The following RGS5 variants were observed in gnomAD, a reference collection of about 807,000 sequenced individuals.
RGS5 encodes the protein regulator of G-protein signalling 5.
In RGS5, 20 loss-of-function variants were observed where a neutral mutation model predicts 18.9. The ratio of observed to expected loss-of-function variants is 1.06; its 90% CI spans 0.74 to 1.54. The LOEUF is 1.54. RGS5 is among the 40% of genes most tolerant of loss of function. The pLI is 0.00. For synonymous variants in RGS5, 57 were observed against 76.2 expected, an observed-to-expected ratio of 0.75 and a Z score of 1.31; for missense variants, 201 against 211.8, an observed-to-expected ratio of 0.95 and a Z score of 0.32.
chr1:163,182,011 G>A (rs2102416890), intron 1 of RGS5, among the ~76,000 whole-genome samples: 1 of 152,070 alleles, frequency 6.6e-6, no homozygotes, highest in Admixed American at 6.5e-5. Flanking sequence ...GCATTAATAG[G>A]TTTAGCATGG....
intron 2 of RGS5, among the ~76,000 whole-genome samples, chr1:163,272,176 T>A (rs1286796262): frequency 6.6e-6 from 1 of 152,086 alleles, no homozygotes; most frequent in Non-Finnish European, 1.5e-5. Context: ...TTTTCCCTAA[T>A]GACTAATAAT....
At position 163,233,978 on chromosome 1, in the gene RGS5, G is replaced by T. The variant is rs191066181; in HGVS notation, c.-280-65610C>A. On this transcript the variant is annotated intron_variant, in intron 2 of 5. Coordinates refer to the RGS5 transcript ENST00000618415. ...ATCTTCAGTTGCTTCAGGCCATCTG[G>T]ATGTATACGTGCAGGTCACAGGGGA... Among the ~76,000 whole-genome samples, 737 of 152,280 alleles carry T rather than the reference G, an allele frequency of 4.8e-3. 4 individuals carry two copies. Among genetic ancestry groups the T allele is most frequent in the African/African-American group, 0.017 (694 of 41,538 alleles).
rs553471120 is a variant in RGS5 at position 163,315,230 on chromosome 1, G to A, written c.-378+6392C>T. ...TAACTGAAAAATAGCACTGGATATTGTAATACTAATATTGAAAATATACAG... is the reference window on the plus strand; with the variant it reads ...TAACTGAAAAATAGCACTGGATATTATAATACTAATATTGAAAATATACAG... On this transcript the variant is annotated intron_variant, in intron 1 of 5. Transcript: ENST00000618415. 1.1e-4 allele frequency among the ~76,000 whole-genome samples: 16 copies of A among 152,200 alleles called. No homozygotes were observed. In the South Asian group the frequency reaches 3.1e-3, roughly 30 times the overall value.
intron 2 of RGS5, among the ~76,000 whole-genome samples, chr1:163,277,540 T>C (rs1222855382): frequency 6.6e-6 from 1 of 152,204 alleles, no homozygotes; most frequent in African/African-American, 2.4e-5. Context: ...TGGGTGTTGC[T>C]AGGTGAAGAA....
At chr1:163,147,923 T>C (rs1027008951) in intron 4 of RGS5, among the ~76,000 whole-genome samples, 4 of 132,642 alleles carry the variant, frequency 3.0e-5, no homozygotes, top group African/African-American at 5.9e-5. Flanking sequence ...TTTTTCTTTT[T>C]TTTTTTTTTT....
intron 2 of RGS5, among the ~76,000 whole-genome samples, chr1:163,274,246 G>C (rs992988340): frequency 6.6e-6 from 1 of 151,758 alleles, no homozygotes; most frequent in Non-Finnish European, 1.5e-5. Context: ...TTACCAGAGA[G>C]ACAAGAAATT....
chr1:163,248,132 C>G (rs1647995626), intron 2 of RGS5: 1 of 152,280 alleles, frequency 6.6e-6, no homozygotes, highest in African/African-American at 2.4e-5. Flanking sequence ...TTAGTAAGAG[C>G]AAAGATAAAA....
chr1:163,169,272 T>C (rs1658196832), intron 1 of RGS5, among the ~76,000 whole-genome samples: 2 of 152,142 alleles, frequency 1.3e-5, no homozygotes, highest in African/African-American at 2.4e-5. Flanking sequence ...TTGTTGGACA[T>C]TTGGGTTGGT....
At chr1:163,298,193 ATCACT>A (rs1380323485) in intron 2 of RGS5, among the ~76,000 whole-genome samples, 3 of 152,200 alleles carry the variant, frequency 2.0e-5, no homozygotes, top group Admixed American at 6.5e-5. Flanking sequence ...ATATGTGCAT[ATCACT>A]TCATTTGGAG....
At chr1:163,304,415 G>A (rs1649642446) in intron 2 of RGS5, 1 of 152,176 alleles carries the variant, frequency 6.6e-6, no homozygotes, top group South Asian at 2.1e-4. Flanking sequence ...AACAGCTCGA[G>A]AAACTAATCT....
chr1:163,163,202 T>A (rs1056665738), intron 2 of RGS5, among the ~76,000 whole-genome samples: 1 of 152,178 alleles, frequency 6.6e-6, no homozygotes, highest in Non-Finnish European at 1.5e-5. Context: ...TTGTGAATAA[T>A]CCCTTTACTT....
chr1:163,153,373 C>G (rs1657453450), intron 3 of RGS5, among the ~76,000 whole-genome samples: 2 of 152,070 alleles, frequency 1.3e-5, no homozygotes, highest in South Asian at 2.1e-4. Flanking sequence ...AAGGTAGTAA[C>G]AGAGTCATAG....
intron 2 of RGS5, among the ~76,000 whole-genome samples, chr1:163,302,362 T>C (rs1649575020): frequency 6.6e-6 from 1 of 152,148 alleles, no homozygotes; most frequent in Admixed American, 6.5e-5. Context: ...CCCAGAATCT[T>C]TTCATACCTA....
rs11459317 is a variant in RGS5 at position 163,307,623 on chromosome 1, T to TAA, written c.-377-1296_-377-1295dup. Among the ~76,000 whole-genome samples, 56 of 148,064 alleles carry TAA rather than the reference T, an allele frequency of 3.8e-4. No individual in the cohort carries two copies. The South Asian group carries it at 6.2e-3, about 16-fold the overall frequency. On this transcript the variant is annotated intron_variant, in intron 1 of 5. Transcript: ENST00000618415. Reference sequence around the variant, plus strand: ...GAGATAACTTTGGCTTTAAGAGTAATAAAAAAAAAAGGAGCTTTAGTAACA... The same window carrying TAA: ...GAGATAACTTTGGCTTTAAGAGTAATAAAAAAAAAAAAGGAGCTTTAGTAACA...
rs1044739718 is a variant in RGS5, at chr1:163,193,848, G to A, written c.44+8944C>T. The stretch of plus-strand genomic sequence containing the variant: ...GGATGAAAACTTTTCCACTGTTAAG[G>A]CAAATGACAAGTTTACCTCTAAGCA... On this transcript the variant is annotated intron_variant, in intron 1 of 4. Transcript: ENST00000313961. Among the ~76,000 whole-genome samples, 3 of 152,050 alleles carry A rather than the reference G, an allele frequency of 2.0e-5. No homozygotes were observed. The South Asian group carries it at 6.2e-4, about 32-fold the overall frequency.
At chr1:163,157,240 T>C (rs1190642562) in intron 3 of RGS5, among the ~76,000 whole-genome samples, 2 of 152,212 alleles carry the variant, frequency 1.3e-5, no homozygotes, top group Non-Finnish European at 2.9e-5. Flanking sequence ...TGGGGAACTA[T>C]TAAATGTCAC....
chr1:163,220,479 CCTCT>C (rs1348974361), upstream of RGS5, among the ~76,000 whole-genome samples: 1 of 152,134 alleles, frequency 6.6e-6, no homozygotes, highest in Non-Finnish European at 1.5e-5. Flanking sequence ...CTCCTCTTTT[CCTCT>C]CTTTTACATC....
At chr1:163,230,545 C>T (rs1418824975) in intron 2 of RGS5, among the ~76,000 whole-genome samples, 3 of 152,138 alleles carry the variant, frequency 2.0e-5, no homozygotes, top group Non-Finnish European at 4.4e-5. Context: ...TCTCCCCACA[C>T]CTTGGCCATA....
rs1657055767 is a variant in RGS5 at position 163,144,521 on chromosome 1, CT to C, written c.*2820del. On this transcript the variant is annotated 3_prime_UTR_variant, in exon 5 of 5. Coordinates refer to ENST00000313961, the MANE Select transcript of RGS5 (RefSeq NM_003617.4). ...TTTGGTTCCACCACCTTTCTACATC[CT>C]CAATTCACTCCCAACAGTAGTTACG... 1 of 152,516 alleles carries C rather than the reference CT, an allele frequency of 6.6e-6. No individual in the cohort carries two copies. The allele number at this position is 152,516 out of a possible 1,614,324, so 9.4% of individuals were successfully genotyped here.
Sources: allele counts gnomAD v4.1 joint callset (sites outside exome capture counted in the v4.1 genomes callset), GRCh38; gene constraint gnomAD v4.1.1; transcripts MANE v1.5; gene names NCBI Gene and HGNC (gene_info 2026-07-23, HGNC 2026-07-21).